CSMD1: variants seen among roughly 807,000 people sequenced by gnomAD.
The protein encoded by CSMD1 is CUB and Sushi multiple domains 1, also known as CUB and sushi domain-containing protein 1.
A neutral mutation model predicts 417.5 loss-of-function variants in CSMD1; 213 were observed. That is an observed-to-expected ratio of 0.51 (90% CI 0.46 to 0.57). The LOEUF is 0.57. Ranked by LOEUF, CSMD1 falls within the 20% of genes least tolerant of loss-of-function variation. CSMD1 has a pLI of 0.00. For missense variants in CSMD1, 6,923 were observed against 4,529.7 expected, an observed-to-expected ratio of 1.53 and a Z score of -15.17; for synonymous variants, 2,862 against 1,736.8, an observed-to-expected ratio of 1.65 and a Z score of -16.11.
At chr8:4,043,911 G>T (rs543556940) in intron 3 of CSMD1, among the ~76,000 whole-genome samples, 1 of 152,104 alleles carries the variant, frequency 6.6e-6, no homozygotes, top group South Asian at 2.1e-4. Context: ...ACCTGAATCT[G>T]TATAGACCTA....
intron 1 of CSMD1, among the ~76,000 whole-genome samples, chr8:4,974,984 A>T (rs149245083): frequency 6.6e-6 from 1 of 152,332 alleles, no homozygotes; most frequent in African/African-American, 2.4e-5. Context: ...TATATATGTT[A>T]GTCTGTGAGA....
intron 2 of CSMD1, among the ~76,000 whole-genome samples, chr8:4,424,846 G>A (rs1243287252): frequency 6.6e-6 from 1 of 151,998 alleles, no homozygotes; most frequent in Non-Finnish European, 1.5e-5. Flanking sequence ...CTGGTATACA[G>A]TACACAGAAA....
At chr8:4,366,455 T>G (rs946505729) in intron 3 of CSMD1, among the ~76,000 whole-genome samples, 2 of 152,216 alleles carry the variant, frequency 1.3e-5, no homozygotes, top group Non-Finnish European at 2.9e-5. Flanking sequence ...AAGGTGGGAC[T>G]GCTGGTTTAA....
rs1233949831 is a variant in CSMD1 at position 4,138,265 on chromosome 8, T to C, written c.416-106166A>G. Among the ~76,000 whole-genome samples the C allele has an allele frequency of 1.3e-5, 2 of 149,930 alleles. 1 individual carries two copies. Among genetic ancestry groups the C allele is most frequent in the South Asian group, 4.2e-4 (2 of 4,754 alleles). On this transcript the variant is annotated intron_variant, in intron 3 of 69. Transcript: ENST00000635120. ...ATGGGTTTTCCTTTTCTCCTGGCTA[T>C]GCCATAAACTAAATGGCAAGATGCA...
chr8:3,512,869 T>A (rs1266711552), intron 10 of CSMD1, among the ~76,000 whole-genome samples: 1 of 152,070 alleles, frequency 6.6e-6, no homozygotes, highest in Non-Finnish European at 1.5e-5. Flanking sequence ...ATGCTGGGAT[T>A]ACAGGTGTGA....
intron 1 of CSMD1, among the ~76,000 whole-genome samples, chr8:4,851,549 A>C (rs1354429868): frequency 6.6e-6 from 1 of 152,014 alleles, no homozygotes; most frequent in Non-Finnish European, 1.5e-5. Context: ...GTCTACCCCC[A>C]TAGGTTCAGA....
At chr8:3,177,314 G>A (rs1187930934) in intron 37 of CSMD1, among the ~76,000 whole-genome samples, 1 of 152,156 alleles carries the variant, frequency 6.6e-6, no homozygotes, top group African/African-American at 2.4e-5. Context: ...GGCACAGCTG[G>A]AGGCCAGAAA....
At chr8:3,431,239 C>A (rs150256753) in intron 12 of CSMD1, among the ~76,000 whole-genome samples, 68 of 152,248 alleles carry the variant, frequency 4.5e-4, no homozygotes, top group South Asian at 8.3e-4. Context: ...AGCTGAAACT[C>A]CCCATCCCTC....
At chr8:4,171,598 G>C (rs988800396) in intron 3 of CSMD1, among the ~76,000 whole-genome samples, 19 of 151,452 alleles carry the variant, frequency 1.3e-4, no homozygotes, top group Non-Finnish European at 2.1e-4. Context: ...CAATTCCTTA[G>C]GGGACGGTCC....
intron 3 of CSMD1, among the ~76,000 whole-genome samples, chr8:4,098,331 A>G (rs1801131388): frequency 6.6e-6 from 1 of 152,196 alleles, no homozygotes; most frequent in South Asian, 2.1e-4. Flanking sequence ...CACTGAGAAT[A>G]AATGCGTATC....
At chr8:4,802,095 A>G (rs1798319802) in intron 1 of CSMD1, among the ~76,000 whole-genome samples, 1 of 152,236 alleles carries the variant, frequency 6.6e-6, no homozygotes, top group African/African-American at 2.4e-5. Context: ...AGAAAATATT[A>G]AGTGTCCACA....
At chr8:4,382,211 G>A (rs576636496) in intron 3 of CSMD1, among the ~76,000 whole-genome samples, 99 of 152,204 alleles carry the variant, frequency 6.5e-4, no homozygotes, top group African/African-American at 1.8e-3. Flanking sequence ...CCCTTCAAAT[G>A]GAAACTCAAT....
chr8:4,486,246 C>T lies in CSMD1; in HGVS notation c.303-66181G>A, dbSNP rs56030968. Reference sequence around the variant, plus strand: ...ATATACATACATATATATATATATACATACATATATATATATATATATATA... The same window carrying T: ...ATATACATACATATATATATATATATATACATATATATATATATATATATA... On this transcript the variant is annotated intron_variant, in intron 2 of 69. Coordinates refer to ENST00000635120, the MANE Select transcript of CSMD1 (RefSeq NM_033225.6). 2.8e-3 allele frequency among the ~76,000 whole-genome samples: 29 copies of T among 10,234 alleles called. 1 individual carries two copies. Among genetic ancestry groups the T allele is most frequent in the African/African-American group, 9.3e-3 (24 of 2,576 alleles). The allele number at this position is 10,234 out of a possible 152,430, so 6.7% of individuals were successfully genotyped here.
chr8:4,217,849 T>C (rs1318912307), intron 3 of CSMD1, among the ~76,000 whole-genome samples: 1 of 151,894 alleles, frequency 6.6e-6, no homozygotes, highest in African/African-American at 2.4e-5. Context: ...AAAGAAAATG[T>C]GAAAAGGTGA....
chr8:3,742,181 C>A (rs996206702), intron 6 of CSMD1, among the ~76,000 whole-genome samples: 2 of 152,076 alleles, frequency 1.3e-5, no homozygotes, highest in Non-Finnish European at 2.9e-5. Flanking sequence ...TCTTCTATAG[C>A]CCACCATTAA....
intron 1 of CSMD1, among the ~76,000 whole-genome samples, chr8:4,781,318 G>A (rs563872447): frequency 2.0e-5 from 3 of 152,282 alleles, no homozygotes; most frequent in East Asian, 1.9e-4. Context: ...AACACACGGG[G>A]TCACACTTGG....
chr8:3,886,042 T>C (rs112344730), intron 5 of CSMD1, among the ~76,000 whole-genome samples: 9 of 151,998 alleles, frequency 5.9e-5, no homozygotes, highest in East Asian at 1.9e-4. Context: ...TATATATATA[T>C]ACAGACACAT....
At chr8:3,237,014 T>A (rs757441439) in intron 26 of CSMD1, among the ~76,000 whole-genome samples, 1 of 152,032 alleles carries the variant, frequency 6.6e-6, no homozygotes, top group Non-Finnish European at 1.5e-5. Context: ...GCCAGTCAGC[T>A]TGAGCAACAA....
chr8:3,519,640 T>G lies in CSMD1; in HGVS notation c.1345-25914A>C, dbSNP rs558549403. 2.6e-5 allele frequency among the ~76,000 whole-genome samples: 4 copies of G among 152,290 alleles called. No individual in the cohort carries two copies. In the East Asian group the frequency reaches 5.8e-4, roughly 22 times the overall value. ...GTGCCACTCAGCTATCTGTAGCACA[T>G]GCATACGAAAGCTTATCAAGCAGCA... On this transcript the variant is annotated intron_variant, in intron 10 of 69. Transcript: ENST00000635120.
Sources: gnomAD v4.1 joint callset for allele counts (sites outside exome capture counted in the v4.1 genomes callset) on GRCh38, gnomAD v4.1.1 for gene constraint, MANE v1.5 for transcripts, NCBI Gene and HGNC (gene_info 2026-07-23, HGNC 2026-07-21) for gene names.